Variants in ZSWIM7 observed in about 807,000 individuals in gnomAD.
ZSWIM7 encodes the protein zinc finger SWIM domain-containing protein 7.
A neutral mutation model predicts 21.1 loss-of-function variants in ZSWIM7; 22 were observed. The observed-to-expected ratio is 1.04, with a 90% CI of 0.74 to 1.49. The LOEUF is 1.49. Among genes scored for constraint, ZSWIM7 ranks in the 40% most tolerant of loss-of-function variants. The probability of loss-of-function intolerance (pLI) is 0.00; values close to 1 mark genes in which losing one functional copy is unlikely to be tolerated. For synonymous variants in ZSWIM7, 67 were observed against 66.5 expected, an observed-to-expected ratio of 1.01 and a Z score of -0.04; for missense variants, 193 against 168.0, an observed-to-expected ratio of 1.15 and a Z score of -0.82.
intron 1 of ZSWIM7, among the ~76,000 whole-genome samples, chr17:15,999,033 G>A (rs752577725): frequency 1.2e-4 from 19 of 152,176 alleles, no homozygotes; most frequent in Non-Finnish European, 2.2e-4. Context: ...TGGGATTACG[G>A]GAGTGAGCCA....
intron 1 of ZSWIM7, among the ~76,000 whole-genome samples, chr17:15,996,562 T>G (rs1429100727): frequency 6.6e-6 from 1 of 151,988 alleles, no homozygotes; most frequent in Non-Finnish European, 1.5e-5. Context: ...AGACCCGGTC[T>G]CAAAAAATAG....
chr17:15,999,642 C>G lies in ZSWIM7; in HGVS notation c.-48G>C. 6.4e-7 allele frequency: 1 copy of G among 1,566,626 alleles called. No individual in the cohort carries two copies. ...ACGACCGGCGGACCGCCGCGACGCT[C>G]CAGCTGACTGCGCCTACCTGTGGAG... On this transcript the variant is annotated 5_prime_UTR_variant, in exon 1 of 5. Coordinates refer to ENST00000399277, the MANE Select transcript of ZSWIM7 (RefSeq NM_001042697.2).
intron 2 of ZSWIM7, chr17:15,991,141 C>T (rs1484114198): frequency 6.8e-6 from 1 of 147,526 alleles, no homozygotes. Flanking sequence ...CTGCTCTGTC[C>T]ACTTTAATAC....
In ZSWIM7 at chr17:15,977,888, T is replaced by TC; in HGVS notation, c.*158dup. On this transcript the variant is annotated 3_prime_UTR_variant, in exon 5 of 5. Transcript: ENST00000399277. Reference sequence around the variant, plus strand: ...ACACAAACCCTCCACAGCCCACGGCTCCAACCCACAGCACCTCCTGCAGTC... The same window carrying TC: ...ACACAAACCCTCCACAGCCCACGGCTCCCAACCCACAGCACCTCCTGCAGTC... The TC allele has an allele frequency of 1.6e-6, 1 of 627,286 alleles. No individual in the cohort carries two copies. Among genetic ancestry groups the TC allele is most frequent in the South Asian group, 1.8e-5 (1 of 56,360 alleles). 38.9% of individuals were successfully genotyped at this position (627,286 alleles called of 1,614,324 possible).
At chr17:15,995,026 A>G (rs113630766) in intron 1 of ZSWIM7, among the ~76,000 whole-genome samples, 20 of 152,350 alleles carry the variant, frequency 1.3e-4, no homozygotes, top group African/African-American at 4.8e-4. Context: ...AGAAAGGAGA[A>G]AATTTTAAAC....
chr17:15,992,993 C>G (rs1437639769), intron 2 of ZSWIM7, among the ~76,000 whole-genome samples: 1 of 152,124 alleles, frequency 6.6e-6, no homozygotes, highest in African/African-American at 2.4e-5. Flanking sequence ...ATTCTCCTGC[C>G]TTAGCCTCCC....
chr17:15,978,137 C>T lies in ZSWIM7; in HGVS notation c.333G>A (p.Leu111=). Residue 111 remains leucine, a synonymous_variant, in exon 5 of 5, where the codon CTG becomes CTA. Coordinates refer to ENST00000399277, the MANE Select transcript of ZSWIM7 (RefSeq NM_001042697.2). ...GCTGACAGGTCCTCATAACCTGACT[C>T]AGGTAAACTGCCAAGAGATGCTTGC... ...ILCKHLLAVY[L]SQVMRTCQQL... is the part of the protein sequence containing the mutation. 3 of 1,614,144 alleles carry T rather than the reference C, an allele frequency of 1.9e-6. No individual in the cohort carries two copies. The highest frequency in any genetic ancestry group is 2.5e-6 in the Non-Finnish European group (3 of 1,179,984).
chr17:15,989,697 C>G (rs1970458582), intron 2 of ZSWIM7, among the ~76,000 whole-genome samples: 2 of 152,026 alleles, frequency 1.3e-5, no homozygotes, highest in Non-Finnish European at 2.9e-5. Context: ...GTGGTGCAAT[C>G]ATGGCTCACT....
intron 2 of ZSWIM7, among the ~76,000 whole-genome samples, chr17:15,988,409 T>C (rs1294726984): frequency 6.6e-6 from 1 of 152,174 alleles, no homozygotes; most frequent in Non-Finnish European, 1.5e-5. Context: ...TTATAAATAA[T>C]ATTCAATTAT....
intron 2 of ZSWIM7, among the ~76,000 whole-genome samples, chr17:15,989,145 G>C (rs1234966258): frequency 2.0e-5 from 3 of 152,090 alleles, no homozygotes; most frequent in African/African-American, 7.2e-5. Context: ...GTACTTTTTG[G>C]ATTAGTAATA....
In ZSWIM7 at chr17:15,976,569, TAGC is replaced by T; in HGVS notation, c.*1475_*1477del. The T allele has an allele frequency of 6.6e-6, 1 of 152,256 alleles. No homozygotes were observed. Among genetic ancestry groups the T allele is most frequent in the Middle Eastern group, 3.4e-3 (1 of 294 alleles). The allele number at this position is 152,256 out of a possible 1,614,324, so 9.4% of individuals were successfully genotyped here. ...TTATGCTGAGTCCAAGTTTCCTGAG[TAGC>T]AGAAAAGTATTGATAAATTTTATCT... On this transcript the variant is annotated 3_prime_UTR_variant, in exon 5 of 5. Coordinates refer to ENST00000399277, the MANE Select transcript of ZSWIM7 (RefSeq NM_001042697.2).
intron 3 of ZSWIM7, among the ~76,000 whole-genome samples, chr17:15,981,507 G>C (rs564191499): frequency 6.6e-6 from 1 of 151,998 alleles, no homozygotes; most frequent in African/African-American, 2.4e-5. Context: ...TATTGTGGGG[G>C]TTCTTAACCT....
rs1043100409 is a variant in ZSWIM7, at chr17:15,999,661, T to G, written c.-67A>C. The G allele has an allele frequency of 1.3e-6, 2 of 1,562,934 alleles. No homozygotes were observed. Among genetic ancestry groups the G allele is most frequent in the Admixed American group, 1.9e-5 (1 of 52,976 alleles). On this transcript the variant is annotated 5_prime_UTR_variant, in exon 1 of 5. Coordinates refer to ENST00000399277, the MANE Select transcript of ZSWIM7 (RefSeq NM_001042697.2). Reference sequence around the variant, plus strand: ...GACGCTCCAGCTGACTGCGCCTACCTGTGGAGGATCCTGACCCCCCGCCGG... The same window carrying G: ...GACGCTCCAGCTGACTGCGCCTACCGGTGGAGGATCCTGACCCCCCGCCGG...
intron 3 of ZSWIM7, among the ~76,000 whole-genome samples, chr17:15,982,971 G>C (rs573932581): frequency 6.6e-6 from 1 of 152,200 alleles, no homozygotes; most frequent in Admixed American, 6.5e-5. Flanking sequence ...GTTTTTTGAC[G>C]CAGTCAGAAT....
intron 3 of ZSWIM7, among the ~76,000 whole-genome samples, chr17:15,983,445 A>C (rs550485051): frequency 6.6e-6 from 1 of 150,454 alleles, no homozygotes; most frequent in Admixed American, 6.7e-5. Flanking sequence ...CTGATGTGTT[A>C]TGAACATATC....
At chr17:15,996,425 C>T (rs775794374) in intron 1 of ZSWIM7, among the ~76,000 whole-genome samples, 1 of 152,112 alleles carries the variant, frequency 6.6e-6, no homozygotes, top group Non-Finnish European at 1.5e-5. Context: ...GCAGAAGGAT[C>T]GCCTGAGCCC....
At position 15,978,001 on chromosome 17, in the gene ZSWIM7, C is replaced by T. The variant is rs1398946834; in HGVS notation, c.*46G>A. ...GAATCATGACGCTTTCAATGCATTT[C>T]TTGACAGGATTCTATTTTGAAAGAA... On this transcript the variant is annotated 3_prime_UTR_variant, in exon 5 of 5. Coordinates refer to ENST00000399277, the MANE Select transcript of ZSWIM7 (RefSeq NM_001042697.2). 1.4e-6 allele frequency: 2 copies of T among 1,470,690 alleles called. No individual in the cohort carries two copies. Among genetic ancestry groups the T allele is most frequent in the Admixed American group, 1.7e-5 (1 of 59,492 alleles). 91.1% of individuals were successfully genotyped at this position (1,470,690 alleles called of 1,614,324 possible).
chr17:15,985,051 T>A (rs1970393463), intron 3 of ZSWIM7, among the ~76,000 whole-genome samples: 1 of 152,204 alleles, frequency 6.6e-6, no homozygotes, highest in South Asian at 2.1e-4. Context: ...ACGCCTGTAA[T>A]CCCAGCACTT....
At chr17:15,992,388 C>T (rs906377665) in intron 2 of ZSWIM7, among the ~76,000 whole-genome samples, 1 of 150,070 alleles carries the variant, frequency 6.7e-6, no homozygotes, top group Admixed American at 6.6e-5. Context: ...TCTTTCCTTG[C>T]AGATAGGTAC....
Sources: gnomAD v4.1 joint callset for allele counts (sites outside exome capture counted in the v4.1 genomes callset) on GRCh38, gnomAD v4.1.1 for gene constraint, MANE v1.5 for transcripts, NCBI Gene and HGNC (gene_info 2026-07-23, HGNC 2026-07-21) for gene names.